DLG2: variants seen among roughly 807,000 people sequenced by gnomAD.
DLG2 encodes disks large homolog 2.
A neutral mutation model predicts 132.5 loss-of-function variants in DLG2; 45 were observed. The observed-to-expected ratio is 0.34, with a 90% CI of 0.27 to 0.44. The LOEUF (loss-of-function observed/expected upper bound fraction) is 0.44, where lower values mean the gene tolerates loss of function less well. Among genes scored for constraint, DLG2 ranks in the 20% least tolerant of loss-of-function variants. The pLI, the probability that DLG2 is intolerant of heterozygous loss-of-function variation, is 1.00. For missense variants in DLG2, 1,045 were observed against 1,196.9 expected (o/e 0.87, Z 1.87); for synonymous variants, 424 against 419.6 (o/e 1.01, Z -0.13).
chr11:84,702,631 T>C (rs1282958161), intron 6 of DLG2, among the ~76,000 whole-genome samples: 1 of 151,722 alleles, frequency 6.6e-6, no homozygotes, highest in Non-Finnish European at 1.5e-5. Context: ...AGGCATTCTT[T>C]GTGACCTTTC....
At chr11:85,572,472 T>C (rs1370375806) in intron 3 of DLG2, among the ~76,000 whole-genome samples, 2 of 152,180 alleles carry the variant, frequency 1.3e-5, no homozygotes, top group Admixed American at 1.3e-4. Context: ...TATTTCATTT[T>C]TATTTCTTCC....
chr11:84,952,275 G>C (rs533578655), intron 6 of DLG2, among the ~76,000 whole-genome samples: 3 of 152,300 alleles, frequency 2.0e-5, no homozygotes, highest in African/African-American at 4.8e-5. Context: ...GCCGGGCGCG[G>C]TGGCTCACGC....
At chr11:85,018,997 C>A (rs558019526) in intron 6 of DLG2, among the ~76,000 whole-genome samples, 3 of 152,128 alleles carry the variant, frequency 2.0e-5, no homozygotes, top group African/African-American at 7.2e-5. Flanking sequence ...TTGTGTTGAA[C>A]TGCCCCACAC....
chr11:83,807,805 T>C (rs906369137), intron 17 of DLG2, among the ~76,000 whole-genome samples: 3 of 152,134 alleles, frequency 2.0e-5, no homozygotes, highest in African/African-American at 7.2e-5. Context: ...AACTTTAAGA[T>C]GGGAAAACTG....
intron 5 of DLG2, among the ~76,000 whole-genome samples, chr11:85,137,585 C>A (rs1460300253): frequency 6.6e-6 from 1 of 152,104 alleles, no homozygotes; most frequent in Non-Finnish European, 1.5e-5. Flanking sequence ...CTATAAACAA[C>A]CTGTGATCCT....
At chr11:84,009,830 A>AC (rs1416851286) in intron 11 of DLG2, among the ~76,000 whole-genome samples, 10 of 152,152 alleles carry the variant, frequency 6.6e-5, no homozygotes, top group Non-Finnish European at 1.2e-4. Flanking sequence ...TCATTAAAAT[A>AC]AAACCAATGA....
chr11:84,904,830 C>T (rs1025258923), intron 6 of DLG2, among the ~76,000 whole-genome samples: 1 of 152,162 alleles, frequency 6.6e-6, no homozygotes, highest in Non-Finnish European at 1.5e-5. Flanking sequence ...TTTCACGGTG[C>T]AAATAATGGA....
intron 5 of DLG2, among the ~76,000 whole-genome samples, chr11:85,130,992 C>G (rs1368061864): frequency 6.6e-6 from 1 of 151,736 alleles, no homozygotes; most frequent in Non-Finnish European, 1.5e-5. Context: ...TAGAAATGTT[C>G]GTGGATATAA....
At chr11:84,764,022 CAG>C (rs2068035796) in intron 6 of DLG2, among the ~76,000 whole-genome samples, 1 of 152,086 alleles carries the variant, frequency 6.6e-6, no homozygotes, top group Non-Finnish European at 1.5e-5. Context: ...ACAATTAGTA[CAG>C]AGTCTACCTA....
chr11:84,333,643 T>C (rs2154402506), intron 7 of DLG2, among the ~76,000 whole-genome samples: 1 of 152,316 alleles, frequency 6.6e-6, no homozygotes, highest in South Asian at 2.1e-4. Context: ...AGAAGAACAG[T>C]ATTCACAATA....
At chr11:85,424,556 T>G (rs1327830246) in intron 3 of DLG2, among the ~76,000 whole-genome samples, 1 of 152,150 alleles carries the variant, frequency 6.6e-6, no homozygotes, top group East Asian at 1.9e-4. Context: ...TTTAAACCAG[T>G]TTGCATTAGG....
intron 6 of DLG2, among the ~76,000 whole-genome samples, chr11:85,047,856 T>C (rs1330358582): frequency 1.3e-5 from 2 of 151,888 alleles, no homozygotes; most frequent in Non-Finnish European, 2.9e-5. Flanking sequence ...AAATGTCAAA[T>C]AGACATTTCT....
At chr11:84,894,575 T>C (rs915398775) in intron 6 of DLG2, among the ~76,000 whole-genome samples, 2 of 152,154 alleles carry the variant, frequency 1.3e-5, no homozygotes, top group African/African-American at 4.8e-5. Context: ...GAACTCTACA[T>C]TCTTGTTCCA....
At chr11:84,763,859 A>G (rs923548512) in intron 6 of DLG2, among the ~76,000 whole-genome samples, 1 of 152,040 alleles carries the variant, frequency 6.6e-6, no homozygotes. Context: ...TCTATAATTT[A>G]CCTCCTTCAA....
At chr11:85,095,240 C>A (rs1022110624) in intron 6 of DLG2, among the ~76,000 whole-genome samples, 2 of 152,078 alleles carry the variant, frequency 1.3e-5, no homozygotes, top group African/African-American at 4.8e-5. Context: ...CAATATGTGA[C>A]AGAGAGACAT....
intron 11 of DLG2, among the ~76,000 whole-genome samples, chr11:83,999,782 A>G (rs2094244813): frequency 6.6e-6 from 1 of 152,180 alleles, no homozygotes; most frequent in East Asian, 1.9e-4. Flanking sequence ...GAAAAATCAT[A>G]CAAAGACTAC....
At chr11:84,436,402 G>C (rs529346309) in intron 7 of DLG2, among the ~76,000 whole-genome samples, 2 of 152,276 alleles carry the variant, frequency 1.3e-5, no homozygotes, top group African/African-American at 4.8e-5. Context: ...CATCTTTCTA[G>C]GTGAGAGAAA....
intron 9 of DLG2, among the ~76,000 whole-genome samples, chr11:84,106,015 G>A (rs1358028177): frequency 6.6e-6 from 1 of 152,004 alleles, no homozygotes; most frequent in East Asian, 1.9e-4. Flanking sequence ...CACCCTGATC[G>A]AAAATTACTA....
At chr11:84,740,279 A>G (rs1476408035) in intron 6 of DLG2, among the ~76,000 whole-genome samples, 1 of 152,010 alleles carries the variant, frequency 6.6e-6, no homozygotes, top group African/African-American at 2.4e-5. Context: ...TTCCAAGCAG[A>G]TCAGCACAAA....
Sources: allele counts gnomAD v4.1 joint callset (sites outside exome capture counted in the v4.1 genomes callset), GRCh38; gene constraint gnomAD v4.1.1; transcripts MANE v1.5; gene names NCBI Gene and HGNC (gene_info 2026-07-23, HGNC 2026-07-21).